GRIN2B: variants seen among roughly 807,000 people sequenced by gnomAD.
GRIN2B encodes glutamate ionotropic receptor NMDA type subunit 2B.
In GRIN2B, 5 loss-of-function variants were observed where a neutral mutation model predicts 114.5. That is an observed-to-expected ratio of 0.04 (90% CI 0.02 to 0.09). GRIN2B has a LOEUF of 0.09. Ranked by LOEUF, GRIN2B falls within the 10% of genes least tolerant of loss-of-function variation. The pLI is 1.00. For synonymous variants in GRIN2B, 787 were observed against 745.1 expected (o/e 1.06, Z -0.92); for missense variants, 1,108 against 1,943.5 (o/e 0.57, Z 8.08).
chr12:13,725,366 G>A (rs1464613561), intron 4 of GRIN2B, among the ~76,000 whole-genome samples: 1 of 152,118 alleles, frequency 6.6e-6, no homozygotes, highest in African/African-American at 2.4e-5. Context: ...AGGCAGTAGG[G>A]TGGCAGGACT....
intron 4 of GRIN2B, among the ~76,000 whole-genome samples, chr12:13,712,576 G>A (rs542102539): frequency 6.6e-6 from 1 of 151,764 alleles, no homozygotes; most frequent in East Asian, 1.9e-4. Flanking sequence ...TGATAGAGGT[G>A]TGGGTTACAC....
intron 2 of GRIN2B, among the ~76,000 whole-genome samples, chr12:13,887,805 G>A (rs987528364): frequency 6.6e-6 from 1 of 152,210 alleles, no homozygotes; most frequent in Admixed American, 6.5e-5. Flanking sequence ...GTAGCTCTTA[G>A]GCATTTACTT....
chr12:13,737,621 C>T (rs138706927), intron 4 of GRIN2B, among the ~76,000 whole-genome samples: 132 of 152,240 alleles, frequency 8.7e-4, no homozygotes, highest in East Asian at 2.1e-3. Context: ...ACCTTAAGGA[C>T]GTGATACAAA....
At position 13,573,126 on chromosome 12, in the gene GRIN2B, A is replaced by G. The variant is rs1327573830; in HGVS notation, c.2011-1162T>C. On this transcript the variant is annotated intron_variant, in intron 10 of 13. Coordinates refer to ENST00000609686, the MANE Select transcript of GRIN2B (RefSeq NM_000834.5). ...AGATGATAATGCCTAATTTTCAAGA[A>G]TGTTGTGAGGATTAACTAATATAAT... 1.3e-5 allele frequency among the ~76,000 whole-genome samples: 2 copies of G among 149,354 alleles called. 1 individual carries two copies. Among genetic ancestry groups the G allele is most frequent in the Non-Finnish European group, 3.0e-5 (2 of 67,118 alleles).
At chr12:13,710,091 A>T (rs1211036456) in intron 4 of GRIN2B, among the ~76,000 whole-genome samples, 1 of 152,024 alleles carries the variant, frequency 6.6e-6, no homozygotes, top group Non-Finnish European at 1.5e-5. Context: ...CAGCTTTAAA[A>T]AGGAGCATAC....
chr12:13,761,196 T>A (rs1863674550), intron 3 of GRIN2B, among the ~76,000 whole-genome samples: 1 of 152,200 alleles, frequency 6.6e-6, no homozygotes, highest in African/African-American at 2.4e-5. Flanking sequence ...CCACTCTGGA[T>A]AACTAAACAA....
At chr12:13,604,175 G>A (rs574102990) in intron 10 of GRIN2B, among the ~76,000 whole-genome samples, 1 of 152,278 alleles carries the variant, frequency 6.6e-6, no homozygotes, top group South Asian at 2.1e-4. Flanking sequence ...CCCACTGGGG[G>A]AGCTGATGGA....
intron 4 of GRIN2B, among the ~76,000 whole-genome samples, chr12:13,718,909 G>T (rs992498234): frequency 2.6e-5 from 4 of 151,992 alleles, no homozygotes; most frequent in African/African-American, 9.7e-5. Flanking sequence ...GACTAAAGAT[G>T]CCCTTTGTAG....
rs1272584608 is a variant in GRIN2B, at chr12:13,615,604, G to A, written c.1389C>T (p.Asp463=). ...CAGATTTAGAAATTTTCTTAAGGAT[G>A]TCAATACAGAACCCCTTGCAGCATT... The part of the protein sequence containing the change: ...IKKCCKGFCI[D]ILKKISKSVK... Residue 463 remains aspartate, a synonymous_variant, in exon 7 of 14, where the codon GAC becomes GAT. Coordinates refer to ENST00000609686, the MANE Select transcript of GRIN2B (RefSeq NM_000834.5). This position sits in a 1 kb window ranked among gnomAD's most constrained non-coding sequence, Gnocchi z 5.8. 4 of 1,611,818 alleles carry A rather than the reference G, an allele frequency of 2.5e-6. No individual in the cohort carries two copies. Among genetic ancestry groups the A allele is most frequent in the Non-Finnish European group, 3.4e-6 (4 of 1,177,934 alleles).
At chr12:13,822,085 C>T (rs892773900) in intron 3 of GRIN2B, among the ~76,000 whole-genome samples, 16 of 152,112 alleles carry the variant, frequency 1.1e-4, no homozygotes, top group African/African-American at 3.4e-4. Flanking sequence ...GCCTTCTGAA[C>T]TATAAGTATT....
chr12:13,945,671 A>G (rs1171510547), intron 2 of GRIN2B, among the ~76,000 whole-genome samples: 1 of 152,132 alleles, frequency 6.6e-6, no homozygotes, highest in African/African-American at 2.4e-5. Context: ...TTAAGAGTCA[A>G]TGAGGGGTGA....
At chr12:13,680,975 G>A (rs1950125853) in intron 4 of GRIN2B, among the ~76,000 whole-genome samples, 1 of 152,058 alleles carries the variant, frequency 6.6e-6, no homozygotes, top group South Asian at 2.1e-4. Flanking sequence ...ACACCACAGT[G>A]AGCTTAATGG....
At chr12:13,631,665 A>C (rs889084410) in intron 5 of GRIN2B, among the ~76,000 whole-genome samples, 8 of 152,216 alleles carry the variant, frequency 5.3e-5, no homozygotes, top group Non-Finnish European at 1.2e-4. Flanking sequence ...TGGTCACATA[A>C]TTAATAAATG....
chr12:13,679,957 T>A (rs1057225857), intron 4 of GRIN2B, among the ~76,000 whole-genome samples: 1 of 152,012 alleles, frequency 6.6e-6, no homozygotes, highest in Non-Finnish European at 1.5e-5. Flanking sequence ...GATACAAATA[T>A]AAGGTTATTT....
rs937338549 is a variant in GRIN2B, at chr12:13,538,839, A to C, written c.*23944T>G. On this transcript the variant is annotated 3_prime_UTR_variant, in exon 14 of 14. Coordinates refer to ENST00000609686, the MANE Select transcript of GRIN2B (RefSeq NM_000834.5). ...AAAAACAAACAAACAAAAAAAAAAC[A>C]AACAAAAAAACAAAAACAACAGAAA... 6.6e-6 allele frequency: 1 copy of C among 151,078 alleles called. No individual in the cohort carries two copies. The highest frequency in any genetic ancestry group is 2.4e-5 in the African/African-American group (1 of 41,248). The allele number at this position is 151,078 out of a possible 1,614,324, so 9.4% of individuals were successfully genotyped here. A position where few individuals can be genotyped will look rare whatever the true frequency, so the allele number is the denominator to read the frequency against.
chr12:13,744,574 A>C (rs548479802), intron 4 of GRIN2B, among the ~76,000 whole-genome samples: 41 of 152,310 alleles, frequency 2.7e-4, no homozygotes, highest in African/African-American at 9.9e-4. Context: ...AAGAGACAGA[A>C]AAGAATAAAG....
intron 10 of GRIN2B, among the ~76,000 whole-genome samples, chr12:13,578,011 A>G (rs1355257648): frequency 1.3e-5 from 2 of 152,236 alleles, no homozygotes; most frequent in Non-Finnish European, 2.9e-5. Context: ...GCAGAAGAGT[A>G]TGATCTTGCC....
intron 4 of GRIN2B, among the ~76,000 whole-genome samples, chr12:13,686,805 C>T (rs1372245467): frequency 6.6e-6 from 1 of 152,112 alleles, no homozygotes; most frequent in Admixed American, 6.6e-5. Context: ...GCTGTCTGTC[C>T]ATCCAAGCAA....
chr12:13,779,701 T>G (rs1167264964), intron 3 of GRIN2B, among the ~76,000 whole-genome samples: 1 of 152,228 alleles, frequency 6.6e-6, no homozygotes, highest in Non-Finnish European at 1.5e-5. Context: ...ATATTTCAAG[T>G]GCTCAGTTGC....
Sources: allele counts gnomAD v4.1 joint callset (sites outside exome capture counted in the v4.1 genomes callset), GRCh38; gene constraint gnomAD v4.1.1; non-coding constraint Gnocchi (gnomAD v3.1); transcripts MANE v1.5; gene names NCBI Gene and HGNC (gene_info 2026-07-23, HGNC 2026-07-21).